SCARB2: variants seen among roughly 807,000 people sequenced by gnomAD.
SCARB2 encodes the protein scavenger receptor class B member 2.
A neutral mutation model predicts 58.6 loss-of-function variants in SCARB2; 29 were observed. The observed-to-expected ratio is 0.49, with a 90% CI of 0.37 to 0.67. SCARB2 has a LOEUF of 0.67. Among genes scored for constraint, SCARB2 ranks in the 30% least tolerant of loss-of-function variants. The pLI, the probability that SCARB2 is intolerant of heterozygous loss-of-function variation, is 0.00. For synonymous variants in SCARB2, 195 were observed against 210.1 expected (o/e 0.93, Z 0.62); for missense variants, 488 against 578.5 (o/e 0.84, Z 1.60).
intron 2 of SCARB2, chr4:76,192,677 G>A (rs1732630918): frequency 1.3e-5 from 2 of 149,900 alleles, no homozygotes; most frequent in Non-Finnish European, 2.9e-5. Flanking sequence ...GGGAGACTCT[G>A]TCTCAAAAAA....
chr4:76,164,253 A>T (rs1320541283), intron 10 of SCARB2: 1 of 152,296 alleles, frequency 6.6e-6, no homozygotes, highest in Non-Finnish European at 1.5e-5. Flanking sequence ...CACGCCTATA[A>T]TCCCAGCACT....
chr4:76,204,661 A>G (rs1732894450), intron 1 of SCARB2, among the ~76,000 whole-genome samples: 1 of 152,142 alleles, frequency 6.6e-6, no homozygotes, highest in Non-Finnish European at 1.5e-5. Context: ...ATATATACAT[A>G]TATGGGGAGT....
chr4:76,232,625 T>G (rs1733513374), intron 1 of SCARB2, among the ~76,000 whole-genome samples: 1 of 152,182 alleles, frequency 6.6e-6, no homozygotes, highest in African/African-American at 2.4e-5. Flanking sequence ...TGTATTAATA[T>G]TACTCACAAA....
intron 1 of SCARB2, among the ~76,000 whole-genome samples, chr4:76,206,843 G>C (rs1252566733): frequency 6.6e-6 from 1 of 151,968 alleles, no homozygotes; most frequent in East Asian, 1.9e-4. Flanking sequence ...AGAGATTGTG[G>C]AACTGGAATT....
chr4:76,197,895 C>CTT (rs201714519), intron 1 of SCARB2, among the ~76,000 whole-genome samples: 4 of 151,152 alleles, frequency 2.6e-5, no homozygotes, highest in African/African-American at 9.7e-5. Context: ...GTTCCCTTAT[C>CTT]TTTTTTTTTA....
chr4:76,213,309 G>C (rs1218599879), intron 1 of SCARB2, 118 bp downstream of exon 1: 7 of 755,236 alleles, frequency 9.3e-6, no homozygotes, highest in Non-Finnish European at 1.7e-5. Flanking sequence ...GACGCAAGAA[G>C]AGCTCTAGCG....
intron 11 of SCARB2, chr4:76,162,992 G>A: frequency 1.6e-6 from 1 of 615,564 alleles, no homozygotes; most frequent in East Asian, 2.7e-5. Flanking sequence ...TACATCCAAA[G>A]AGATTCTATT....
chr4:76,222,948 G>A (rs141300358), intron 1 of SCARB2, among the ~76,000 whole-genome samples: 6 of 152,288 alleles, frequency 3.9e-5, no homozygotes, highest in African/African-American at 1.4e-4. Flanking sequence ...GTGAAGCCTC[G>A]TGCATGGGAA....
chr4:76,207,806 G>A (rs183803452), intron 1 of SCARB2, among the ~76,000 whole-genome samples: 1 of 152,298 alleles, frequency 6.6e-6, no homozygotes, highest in East Asian at 1.9e-4. Flanking sequence ...TGGCCTGACA[G>A]AATGAAATCT....
chr4:76,221,134 C>T (rs1733299939), intron 1 of SCARB2, among the ~76,000 whole-genome samples: 1 of 152,138 alleles, frequency 6.6e-6, no homozygotes, highest in African/African-American at 2.4e-5. Flanking sequence ...CCCATACCTG[C>T]CCACAGGAAG....
intron 10 of SCARB2, chr4:76,164,836 C>G (rs967483039): frequency 6.6e-6 from 1 of 151,472 alleles, no homozygotes; most frequent in East Asian, 1.9e-4. Flanking sequence ...TTCATTGGAC[C>G]GAGTCAGTGG....
intron 7 of SCARB2, among the ~76,000 whole-genome samples, chr4:76,170,860 C>T (rs1732114518): frequency 6.6e-6 from 1 of 151,496 alleles, no homozygotes; most frequent in Admixed American, 6.6e-5. Context: ...TGCTATACAC[C>T]CAGCCTCTAA....
chr4:76,221,273 G>A (rs1228822904), intron 1 of SCARB2, among the ~76,000 whole-genome samples: 1 of 152,120 alleles, frequency 6.6e-6, no homozygotes, highest in African/African-American at 2.4e-5. Context: ...TCCTGGCCTG[G>A]GGAGTTTTTC....
upstream of SCARB2, among the ~76,000 whole-genome samples, chr4:76,218,400 A>G (rs754809821): frequency 3.9e-5 from 6 of 152,206 alleles, no homozygotes; most frequent in Admixed American, 2.6e-4. Context: ...ATAGGCTTAC[A>G]TATCCCAGAG....
At chr4:76,231,374 C>T (rs1048717332) in intron 1 of SCARB2, among the ~76,000 whole-genome samples, 7 of 152,212 alleles carry the variant, frequency 4.6e-5, no homozygotes, top group Admixed American at 1.3e-4. Context: ...TGAGCTGCAG[C>T]TGGAGACTGC....
In SCARB2 at chr4:76,213,607, G is replaced by A. The variant is rs377726531; in HGVS notation, c.-64C>T. ...CCAGGGATCCAACTGCAAGGAGGGAGGAGCCGCCGCAGAGGCGTCGAAGAC... is the reference window on the plus strand; with the variant it reads ...CCAGGGATCCAACTGCAAGGAGGGAAGAGCCGCCGCAGAGGCGTCGAAGAC... On this transcript the variant is annotated 5_prime_UTR_variant, in exon 1 of 12. Coordinates refer to ENST00000264896, the MANE Select transcript of SCARB2 (RefSeq NM_005506.4). The A allele has an allele frequency of 8.0e-6, 11 of 1,378,196 alleles. No individual in the cohort carries two copies. Among genetic ancestry groups the A allele is most frequent in the East Asian group, 7.0e-5 (3 of 43,056 alleles). The allele number at this position is 1,378,196 out of a possible 1,614,324, so 85.4% of individuals were successfully genotyped here.
intron 1 of SCARB2, among the ~76,000 whole-genome samples, chr4:76,233,586 GCACA>G (rs34421184): frequency 1.9e-4 from 28 of 150,776 alleles, no homozygotes; most frequent in African/African-American, 4.1e-4. Context: ...ACACACACAC[GCACA>G]CACACACACA....
At chr4:76,201,372 T>C (rs945698889) in intron 1 of SCARB2, among the ~76,000 whole-genome samples, 2 of 152,132 alleles carry the variant, frequency 1.3e-5, no homozygotes, top group Non-Finnish European at 2.9e-5. Context: ...TTGGGTCTGA[T>C]ACTAAGAACT....
At position 76,204,805 on chromosome 4, in the gene SCARB2, ATC is replaced by A. The variant is rs375723687; in HGVS notation, c.117+8620_117+8621del. 1.5e-3 allele frequency among the ~76,000 whole-genome samples: 233 copies of A among 152,306 alleles called. 1 individual carries two copies. The highest frequency in any genetic ancestry group is 5.1e-3 in the African/African-American group (210 of 41,558). On this transcript the variant is annotated intron_variant, in intron 1 of 11. Transcript: ENST00000264896. ...TTGCAACCTGTTTGGTTGTGATTAT[ATC>A]TCTCAAAATTGAAATAAGTAATATT... is the stretch of plus-strand genomic sequence containing the variant.
Sources: gnomAD v4.1 joint callset for allele counts (sites outside exome capture counted in the v4.1 genomes callset) on GRCh38, gnomAD v4.1.1 for gene constraint, MANE v1.5 for transcripts, NCBI Gene and HGNC (gene_info 2026-07-23, HGNC 2026-07-21) for gene names.